Variants in SYT16 observed in about 807,000 individuals in gnomAD.
SYT16 encodes synaptotagmin-16.
In SYT16, 42 loss-of-function variants were observed where a neutral mutation model predicts 61.4. That is an observed-to-expected ratio of 0.68 (90% CI 0.53 to 0.89). SYT16 has a LOEUF of 0.89. Ranked by LOEUF, SYT16 falls within the 40% of genes least tolerant of loss-of-function variation. The pLI, the probability that SYT16 is intolerant of heterozygous loss-of-function variation, is 0.00. For missense variants in SYT16, 804 were observed against 807.3 expected, an observed-to-expected ratio of 1.00 and a Z score of 0.05; for synonymous variants, 314 against 302.3, an observed-to-expected ratio of 1.04 and a Z score of -0.40.
At chr14:61,839,326 C>T (rs1478868264) in intron 1 of SYT16, among the ~76,000 whole-genome samples, 1 of 152,188 alleles carries the variant, frequency 6.6e-6, no homozygotes, top group African/African-American at 2.4e-5. Context: ...CAAGAAGGCC[C>T]TCACCAGATG....
chr14:61,898,188 A>G (rs148610059), intron 1 of SYT16, among the ~76,000 whole-genome samples: 1 of 152,344 alleles, frequency 6.6e-6, no homozygotes, highest in Non-Finnish European at 1.5e-5. Flanking sequence ...GAGGAAATAA[A>G]TGTGAACAGT....
intron 3 of SYT16, among the ~76,000 whole-genome samples, chr14:62,028,470 CA>C (rs1566777879): frequency 6.6e-6 from 1 of 152,214 alleles, no homozygotes; most frequent in South Asian, 2.1e-4. Context: ...TTTGACAGAC[CA>C]AGATTTGAAT....
intron 3 of SYT16, among the ~76,000 whole-genome samples, chr14:62,062,123 G>A (rs1021163476): frequency 6.6e-6 from 1 of 152,152 alleles, no homozygotes; most frequent in Non-Finnish European, 1.5e-5. Flanking sequence ...ACTATTACAA[G>A]TGCCATCGCT....
At chr14:61,971,260 C>T (rs1004987996) in intron 2 of SYT16, among the ~76,000 whole-genome samples, 2 of 152,112 alleles carry the variant, frequency 1.3e-5, no homozygotes, top group Non-Finnish European at 2.9e-5. Flanking sequence ...AGTAACTTAA[C>T]AAAAATTCAT....
rs545038410 is a variant in SYT16, at chr14:61,872,455, T to C, written c.-325+59645T>C. On this transcript the variant is annotated intron_variant, in intron 1 of 7. Coordinates refer to ENST00000683842, the MANE Select transcript of SYT16 (RefSeq NM_001367656.1). Reference sequence around the variant, plus strand: ...TACCATCATACCTGGGGCTGTCTTATCTAAATTTAAAAGTTCTTAATACAG... The same window carrying C: ...TACCATCATACCTGGGGCTGTCTTACCTAAATTTAAAAGTTCTTAATACAG... Among the ~76,000 whole-genome samples, 3 of 152,292 alleles carry C rather than the reference T, an allele frequency of 2.0e-5. No homozygotes were observed. The East Asian group carries it at 5.8e-4, about 29-fold the overall frequency.
At chr14:61,922,079 A>G (rs2049353807) in intron 1 of SYT16, among the ~76,000 whole-genome samples, 1 of 152,236 alleles carries the variant, frequency 6.6e-6, no homozygotes, top group African/African-American at 2.4e-5. Flanking sequence ...GGCTCAACTT[A>G]GTGCCTTGTG....
At chr14:62,047,802 GCC>G (rs1367528133) in intron 3 of SYT16, among the ~76,000 whole-genome samples, 37 of 152,174 alleles carry the variant, frequency 2.4e-4, no homozygotes, top group Admixed American at 1.2e-3. Context: ...TGTTGAACCA[GCC>G]TTGCATCCCA....
At chr14:62,090,105 A>C (rs2057020066) in intron 7 of SYT16, among the ~76,000 whole-genome samples, 1 of 152,232 alleles carries the variant, frequency 6.6e-6, no homozygotes, top group South Asian at 2.1e-4. Flanking sequence ...GTTTCAAAAA[A>C]GTTAGGTATT....
chr14:61,954,496 A>C (rs901860373), intron 1 of SYT16, among the ~76,000 whole-genome samples: 2 of 152,072 alleles, frequency 1.3e-5, no homozygotes, highest in African/African-American at 4.8e-5. Context: ...AACTTTGAGG[A>C]AGTTTTTAGC....
chr14:61,906,004 C>G (rs1341726054), intron 1 of SYT16, among the ~76,000 whole-genome samples: 1 of 152,166 alleles, frequency 6.6e-6, no homozygotes, highest in Non-Finnish European at 1.5e-5. Context: ...ATCCGCCTGC[C>G]TTGGCCTTCC....
intron 3 of SYT16, among the ~76,000 whole-genome samples, chr14:62,055,903 G>A (rs903888352): frequency 6.6e-6 from 1 of 152,156 alleles, no homozygotes; most frequent in African/African-American, 2.4e-5. Flanking sequence ...TGGTGAAGCC[G>A]ACAGAGCAGC....
intron 3 of SYT16, among the ~76,000 whole-genome samples, chr14:62,060,175 A>G (rs1460234956): frequency 2.0e-5 from 3 of 152,084 alleles, no homozygotes; most frequent in Admixed American, 6.5e-5. Context: ...ATTGCTTTAA[A>G]TCATTACACT....
intron 1 of SYT16, among the ~76,000 whole-genome samples, chr14:61,830,957 G>A (rs1470360101): frequency 6.6e-6 from 1 of 152,232 alleles, no homozygotes; most frequent in Non-Finnish European, 1.5e-5. Flanking sequence ...TTCTTTTGTG[G>A]TGTTTGCCTA....
At chr14:62,072,421 C>G (rs556673323) in intron 4 of SYT16, among the ~76,000 whole-genome samples, 2 of 152,150 alleles carry the variant, frequency 1.3e-5, no homozygotes, top group African/African-American at 4.8e-5. Flanking sequence ...AGATTCATTG[C>G]AAAGAATTGG....
chr14:61,853,524 A>C (rs1256229780), intron 1 of SYT16, among the ~76,000 whole-genome samples: 1 of 152,156 alleles, frequency 6.6e-6, no homozygotes, highest in Non-Finnish European at 1.5e-5. Flanking sequence ...AATAGGGCTA[A>C]GGCCTTCTGC....
intron 1 of SYT16, among the ~76,000 whole-genome samples, chr14:61,816,619 G>T (rs1472782657): frequency 6.6e-6 from 1 of 152,060 alleles, no homozygotes; most frequent in Non-Finnish European, 1.5e-5. Flanking sequence ...ATTTTAAGAG[G>T]AACAGAATTA....
At chr14:62,003,199 G>A (rs1044174498) in intron 3 of SYT16, among the ~76,000 whole-genome samples, 3 of 151,994 alleles carry the variant, frequency 2.0e-5, no homozygotes, top group Non-Finnish European at 2.9e-5. Flanking sequence ...TCTTGGTGGG[G>A]CTTCTTATTT....
rs112031576 is a variant in SYT16, at chr14:62,061,372, C to T, written c.524-8231C>T. Reference sequence around the variant, plus strand: ...ACAGATGCAACAAATAGAAAACAAACAGCAAAATGACATACCTAAACCTAG... The same window carrying T: ...ACAGATGCAACAAATAGAAAACAAATAGCAAAATGACATACCTAAACCTAG... On this transcript the variant is annotated intron_variant, in intron 3 of 7. Coordinates refer to ENST00000683842, the MANE Select transcript of SYT16 (RefSeq NM_001367656.1). 5.1e-3 allele frequency among the ~76,000 whole-genome samples: 779 copies of T among 152,164 alleles called. 4 individuals carry two copies. Among genetic ancestry groups the T allele is most frequent in the African/African-American group, 0.018 (733 of 41,552 alleles).
At chr14:61,859,843 C>G (rs1169856434) in intron 1 of SYT16, among the ~76,000 whole-genome samples, 1 of 152,136 alleles carries the variant, frequency 6.6e-6, no homozygotes, top group Non-Finnish European at 1.5e-5. Flanking sequence ...TCCCTAAAGA[C>G]TAACATAAAT....
Sources: allele counts gnomAD v4.1 joint callset (sites outside exome capture counted in the v4.1 genomes callset), GRCh38; gene constraint gnomAD v4.1.1; transcripts MANE v1.5; gene names NCBI Gene and HGNC (gene_info 2026-07-23, HGNC 2026-07-21).